The following TBC1D12 variants were observed in gnomAD, a reference collection of about 807,000 sequenced individuals.
TBC1D12 encodes TBC1 domain family, member 12.
TBC1D12 carries 56 observed loss-of-function variants against 86.7 expected under a neutral mutation model. The ratio of observed to expected loss-of-function variants is 0.65; its 90% CI spans 0.52 to 0.81. The LOEUF is 0.81. TBC1D12 is among the 30% of genes least tolerant of loss of function. TBC1D12 has a pLI of 0.00. For synonymous variants in TBC1D12, 421 were observed against 411.7 expected, an observed-to-expected ratio of 1.02 and a Z score of -0.27; for missense variants, 1,023 against 1,038.8, an observed-to-expected ratio of 0.98 and a Z score of 0.21.
Position 94,522,425 on chromosome 10 carries a change from C to G in TBC1D12, c.1972C>G (p.Leu658Val). 7.0e-7 allele frequency: 1 copy of G among 1,421,582 alleles called. No homozygotes were observed. Among genetic ancestry groups the G allele is most frequent in the East Asian group, 2.5e-5 (1 of 40,398 alleles). 88.1% of individuals were successfully genotyped at this position (1,421,582 alleles called of 1,614,324 possible). A position where few individuals can be genotyped will look rare whatever the true frequency, so the allele number is the denominator to read the frequency against. Residue 658 changes from leucine to valine, a missense_variant, in exon 11 of 13, where the codon CTT becomes GTT. Leu to Val is a conservative substitution (Grantham distance 32). This residue lies in a region of TBC1D12 where 395 missense variants were observed against 507.7 expected (regional missense o/e 0.78). Coordinates refer to ENST00000225235, the MANE Select transcript of TBC1D12 (RefSeq NM_015188.2). ...ATTTCTTCACTTCAAATCTTACAGTCTTACACCAGATATATACTTGATAGA... is the reference window on the plus strand; with the variant it reads ...ATTTCTTCACTTCAAATCTTACAGTGTTACACCAGATATATACTTGATAGA... ...KLFLHFKSYSLTPDIYLIDWI... is the reference protein window; with the variant it reads ...KLFLHFKSYSVTPDIYLIDWI...
At chr10:94,466,861 C>T (rs1030567918) in intron 2 of TBC1D12, among the ~76,000 whole-genome samples, 2 of 152,106 alleles carry the variant, frequency 1.3e-5, no homozygotes, top group African/African-American at 4.8e-5. Context: ...TCCGGAATAT[C>T]ACATTATATT....
chr10:94,496,717 A>G (rs1437759425), intron 4 of TBC1D12, among the ~76,000 whole-genome samples: 2 of 152,158 alleles, frequency 1.3e-5, no homozygotes, highest in Non-Finnish European at 2.9e-5. Flanking sequence ...TATGTTAATA[A>G]CTGGGCATGG....
intron 1 of TBC1D12, among the ~76,000 whole-genome samples, chr10:94,405,977 A>G (rs1185176813): frequency 6.6e-6 from 1 of 151,658 alleles, no homozygotes; most frequent in African/African-American, 2.4e-5. Flanking sequence ...CGCCTGGCTA[A>G]TTTTTGTATT....
intron 3 of TBC1D12, among the ~76,000 whole-genome samples, chr10:94,477,281 C>A (rs762555339): frequency 5.9e-5 from 9 of 152,074 alleles, no homozygotes; most frequent in East Asian, 3.9e-4. Context: ...TTTGAAGGGG[C>A]CTTTTTGGTG....
chr10:94,403,669 G>GGAGCCA, intron 1 of TBC1D12, 85 bp downstream of exon 1: 1 of 1,387,888 alleles, frequency 7.2e-7, no homozygotes, highest in South Asian at 1.6e-5. Flanking sequence ...AGCCGGAGCC[G>GGAGCCA]GAGCCGGAGC....
chr10:94,506,400 A>G (rs1455543220), intron 6 of TBC1D12, among the ~76,000 whole-genome samples: 2 of 152,228 alleles, frequency 1.3e-5, no homozygotes, highest in African/African-American at 4.8e-5. Flanking sequence ...ATAAAATTTT[A>G]AAAAGAATTA....
intron 2 of TBC1D12, among the ~76,000 whole-genome samples, chr10:94,467,852 T>C (rs2055847823): frequency 6.6e-6 from 1 of 152,212 alleles, no homozygotes; most frequent in Admixed American, 6.5e-5. Flanking sequence ...TTATTTTTTG[T>C]AGAGACAATG....
intron 1 of TBC1D12, among the ~76,000 whole-genome samples, chr10:94,410,042 A>T: frequency 6.6e-6 from 1 of 152,192 alleles, no homozygotes; most frequent in East Asian, 1.9e-4. Flanking sequence ...GTTACTTTTA[A>T]GTGAAAGTTT....
chr10:94,500,081 G>A lies in TBC1D12; in HGVS notation c.1413-140G>A, dbSNP rs147706146. The A allele has an allele frequency of 1.3e-5, 9 of 680,690 alleles. No individual in the cohort carries two copies. The Admixed American group carries it at 1.7e-4, about 13-fold the overall frequency. 42.2% of individuals were successfully genotyped at this position (680,690 alleles called of 1,614,324 possible). On this transcript the variant is annotated intron_variant, in intron 5 of 12. Transcript: ENST00000225235. ...CCTGCAAGCATGAACGCAAAGAAAA[G>A]AATGCATTACATACTTAATTCTCTA...
chr10:94,470,367 T>G (rs895190584), intron 2 of TBC1D12, among the ~76,000 whole-genome samples: 4 of 152,160 alleles, frequency 2.6e-5, no homozygotes, highest in African/African-American at 4.8e-5. Context: ...AATATTTGAT[T>G]ATTATTATTA....
chr10:94,523,192 CAAAAAAAAAAAAA>C (rs33935088), intron 11 of TBC1D12, among the ~76,000 whole-genome samples: 3 of 44,076 alleles, frequency 6.8e-5, no homozygotes, highest in Non-Finnish European at 1.2e-4. Context: ...AACTCTATCT[CAAAAAAAAAAAAA>C]AAAAAAAAAA....
At chr10:94,529,625 AATT>A (rs935846329) in intron 11 of TBC1D12, among the ~76,000 whole-genome samples, 4 of 152,256 alleles carry the variant, frequency 2.6e-5, no homozygotes, top group African/African-American at 9.6e-5. Context: ...TTAAAAAAAA[AATT>A]ATTTTTCAAT....
intron 2 of TBC1D12, among the ~76,000 whole-genome samples, chr10:94,458,773 TCCTTCCATCTGGAGTTGTTCGTA>T (rs1302743645): frequency 3.9e-5 from 6 of 152,042 alleles, no homozygotes; most frequent in Admixed American, 6.6e-5. Context: ...AGTTGTTCGT[TCCTTCCATCTGGAGTTGTTCGTA>T]CCTTCCATCT....
At chr10:94,531,759 T>TTATG (rs1564996741) in intron 12 of TBC1D12, among the ~76,000 whole-genome samples, 1 of 66,560 alleles carries the variant, frequency 1.5e-5, no homozygotes, top group African/African-American at 4.1e-5. Flanking sequence ...GTTATTTTAT[T>TTATG]TTATTTTATT....
chr10:94,496,520 G>C (rs1193502849), intron 4 of TBC1D12, among the ~76,000 whole-genome samples: 1 of 152,072 alleles, frequency 6.6e-6, no homozygotes, highest in Admixed American at 6.5e-5. Context: ...ATAAACCCTT[G>C]TAGGAAAAAT....
intron 1 of TBC1D12, among the ~76,000 whole-genome samples, chr10:94,424,585 T>C (rs1281938439): frequency 1.3e-5 from 2 of 152,234 alleles, no homozygotes; most frequent in Non-Finnish European, 2.9e-5. Flanking sequence ...GCTGTGATAC[T>C]AGCTCAGGGA....
intron 1 of TBC1D12, among the ~76,000 whole-genome samples, chr10:94,409,771 C>T (rs1206501567): frequency 2.0e-5 from 3 of 152,048 alleles, no homozygotes; most frequent in Non-Finnish European, 4.4e-5. Flanking sequence ...CTACATTATC[C>T]AAAATGGCCA....
Position 94,403,173 on chromosome 10 carries a change from G to A in TBC1D12, c.560G>A (p.Ser187Asn). 1 of 1,464,568 alleles carries A rather than the reference G, an allele frequency of 6.8e-7. No individual in the cohort carries two copies. The highest frequency in any genetic ancestry group is 9.0e-7 in the Non-Finnish European group (1 of 1,112,710). 90.7% of individuals were successfully genotyped at this position (1,464,568 alleles called of 1,614,324 possible). A position where few individuals can be genotyped will look rare whatever the true frequency, so the allele number is the denominator to read the frequency against. Residue 187 changes from serine (S) to asparagine (N), a missense_variant, in exon 1 of 13, where the codon AGC becomes AAC. By Grantham distance (46) the Ser-to-Asn change is conservative (BLOSUM62 1). Around this residue, in one of 2 missense-constraint regions of TBC1D12, gnomAD observed 628 missense variants for 531.1 expected, o/e 1.18. Transcript: ENST00000225235. ...PGDEDADGAG[S>N]PSDWASPLED... The stretch of plus-strand genomic sequence containing the variant: ...GACGAGGACGCGGACGGCGCGGGAA[G>A]CCCGTCCGATTGGGCCTCTCCGCTT...
intron 11 of TBC1D12, 104 bp from the exon 12 acceptor site, chr10:94,531,098 T>A: frequency 7.5e-7 from 1 of 1,328,506 alleles, no homozygotes; most frequent in South Asian, 1.5e-5. Context: ...TTATTTGCCT[T>A]CTTATCCCTA....
Sources: gnomAD v4.1 joint callset for allele counts (sites outside exome capture counted in the v4.1 genomes callset) on GRCh38, gnomAD v4.1.1 for gene constraint, gnomAD v4.1.1 regional missense constraint, MANE v1.5 for transcripts, NCBI Gene and HGNC (gene_info 2026-07-23, HGNC 2026-07-21) for gene names.